The following SF3B3 variants were observed in gnomAD, a reference collection of about 807,000 sequenced individuals.
The protein encoded by SF3B3 is SAP 130.
SF3B3 carries 33 observed loss-of-function variants against 139.2 expected under a neutral mutation model. The ratio of observed to expected loss-of-function variants is 0.24; its 90% CI spans 0.18 to 0.32. The LOEUF (loss-of-function observed/expected upper bound fraction) is 0.32, where lower values mean the gene tolerates loss of function less well. SF3B3 is among the 10% of genes least tolerant of loss of function. The probability of loss-of-function intolerance (pLI) is 1.00; values close to 1 mark genes in which losing one functional copy is unlikely to be tolerated. For missense variants in SF3B3, 818 were observed against 1,509.4 expected, an observed-to-expected ratio of 0.54 and a Z score of 7.59; for synonymous variants, 596 against 563.6, an observed-to-expected ratio of 1.06 and a Z score of -0.81.
rs556580673 is a variant in SF3B3, at chr16:70,565,579, T to A, written c.2826+55T>A. The A allele has an allele frequency of 1.1e-5, 17 of 1,534,158 alleles. No individual in the cohort carries two copies. The African/African-American group carries it at 2.1e-4, about 19-fold the overall frequency. ...TTTAAGTCCCATTGAATTCTCTCAC[T>A]TTTGCTTATGTTATGGATCAGGTCT... is the stretch of plus-strand genomic sequence containing the variant. On this transcript the variant is annotated intron_variant, in intron 20 of 25. Transcript: ENST00000302516.
chr16:70,556,301 C>T lies in SF3B3; in HGVS notation c.1833C>T (p.Asp611=). The T allele has an allele frequency of 1.2e-6, 2 of 1,614,152 alleles. No homozygotes were observed. Among genetic ancestry groups the T allele is most frequent in the Non-Finnish European group, 1.7e-6 (2 of 1,180,028 alleles). Residue 611 remains aspartate (D), a synonymous_variant, in exon 14 of 26, where the codon GAC becomes GAT. Transcript: ENST00000302516. ...RSRFLAVGLV[D]NTVRIISLDP... ...GCTTCCTGGCTGTGGGGCTTGTGGACAACACTGTCAGAATCATCTCCCTGG... is the reference window on the plus strand; with the variant it reads ...GCTTCCTGGCTGTGGGGCTTGTGGATAACACTGTCAGAATCATCTCCCTGG...
rs776545876 is a variant in SF3B3 at position 70,569,998 on chromosome 16, A to T, written c.3265-8A>T. On this transcript the variant is annotated splice_region_variant and splice_polypyrimidine_tract_variant and intron_variant, in intron 23 of 25. Transcript: ENST00000302516. The stretch of plus-strand genomic sequence containing the variant: ...GCACACAGTCACTAGTCTGTTTGTG[A>T]CTCACAGGCAGAGGTGATCATGAAC... 45 of 1,613,698 alleles carry T rather than the reference A, an allele frequency of 2.8e-5. 1 individual carries two copies. The South Asian group carries it at 4.8e-4, about 17-fold the overall frequency.
chr16:70,552,548 C>T (rs2050337636), intron 11 of SF3B3, among the ~76,000 whole-genome samples: 2 of 152,204 alleles, frequency 1.3e-5, no homozygotes, highest in Non-Finnish European at 2.9e-5. Flanking sequence ...GTTCCCAAAG[C>T]ATTTGATATA....
intron 1 of SF3B3, 109 bp from the exon 2 acceptor site, chr16:70,526,478 A>G: frequency 1.7e-6 from 1 of 574,192 alleles, no homozygotes; most frequent in Non-Finnish European, 3.1e-6. Flanking sequence ...GTTGTTTCTT[A>G]ATAGGGCTTG....
intron 2 of SF3B3, chr16:70,526,993 G>A (rs1427152744): frequency 1.9e-6 from 1 of 528,844 alleles, no homozygotes; most frequent in Non-Finnish European, 3.3e-6. Context: ...TGTGCCTATT[G>A]CTGTAAGACA....
intron 14 of SF3B3, 105 bp from the exon 15 acceptor site, chr16:70,556,781 G>A: frequency 7.7e-7 from 1 of 1,299,600 alleles, no homozygotes; most frequent in East Asian, 2.4e-5. Context: ...TTTTTTCTGT[G>A]CATAAGGAAG....
chr16:70,547,807 C>A (rs917691041), intron 10 of SF3B3, among the ~76,000 whole-genome samples: 1 of 152,188 alleles, frequency 6.6e-6, no homozygotes, highest in Non-Finnish European at 1.5e-5. Context: ...GCCAGCTGGT[C>A]TTGAACTCCT....
intron 20 of SF3B3, 39 bp downstream of exon 20, chr16:70,565,563 C>T: frequency 6.3e-7 from 1 of 1,576,206 alleles, no homozygotes; most frequent in Non-Finnish European, 8.7e-7. Context: ...TTTTAAGTCC[C>T]ATTGAATTCT....
chr16:70,557,430 G>T (rs958084484), intron 15 of SF3B3, among the ~76,000 whole-genome samples: 1 of 152,196 alleles, frequency 6.6e-6, no homozygotes, highest in African/African-American at 2.4e-5. Flanking sequence ...TCTTTGTGCC[G>T]TGAAGAAAAG....
At chr16:70,571,258 T>C in intron 25 of SF3B3, 59 bp downstream of exon 25, 2 of 1,253,478 alleles carry the variant, frequency 1.6e-6, no homozygotes, top group Non-Finnish European at 2.3e-6. Context: ...GCACAGGGAG[T>C]GGATTGATGG....
At position 70,556,290 on chromosome 16, in the gene SF3B3, G is replaced by A; in HGVS notation, c.1822G>A (p.Gly608Arg). Residue 608 changes from glycine (G) to arginine (R), a missense_variant, in exon 14 of 26, where the codon GGG (glycine) becomes AGG (arginine). Gly to Arg is a moderately radical substitution (Grantham distance 125). Around this residue, in one of 14 missense-constraint regions of SF3B3, gnomAD observed 170 missense variants for 353.0 expected, o/e 0.48. Coordinates refer to ENST00000302516, the MANE Select transcript of SF3B3 (RefSeq NM_012426.5). ...GEQRSRFLAV[G>R]LVDNTVRIIS... is the part of the protein sequence containing the mutation. Reference sequence around the variant, plus strand: ...GCAGCGGTCTCGCTTCCTGGCTGTGGGGCTTGTGGACAACACTGTCAGAAT... The same window carrying A: ...GCAGCGGTCTCGCTTCCTGGCTGTGAGGCTTGTGGACAACACTGTCAGAAT... The A allele has an allele frequency of 1.2e-6, 2 of 1,614,156 alleles. No individual in the cohort carries two copies. The highest frequency in any genetic ancestry group is 1.7e-6 in the Non-Finnish European group (2 of 1,180,032).
Position 70,543,690 on chromosome 16 carries a change from A to G in SF3B3, c.1234-748A>G, listed in dbSNP as rs570866550. On this transcript the variant is annotated intron_variant, in intron 9 of 25. Coordinates refer to ENST00000302516, the MANE Select transcript of SF3B3 (RefSeq NM_012426.5). Reference sequence around the variant, plus strand: ...GCCACTGTACTCTAACCTCGGTGACAGAGTGAGACTCTGTCTTAAAAAAAA... The same window carrying G: ...GCCACTGTACTCTAACCTCGGTGACGGAGTGAGACTCTGTCTTAAAAAAAA... Among the ~76,000 whole-genome samples, 52 of 152,180 alleles carry G rather than the reference A, an allele frequency of 3.4e-4. 1 individual carries two copies. Among genetic ancestry groups the G allele is most frequent in the African/African-American group, 1.2e-3 (49 of 41,464 alleles).
chr16:70,556,865 T>A, intron 14 of SF3B3, 21 bp from the exon 15 acceptor site: 1 of 1,613,916 alleles, frequency 6.2e-7, no homozygotes, highest in Non-Finnish European at 8.5e-7. Context: ...TGTGTTTTTA[T>A]GATTTTTCTC....
intron 8 of SF3B3, among the ~76,000 whole-genome samples, chr16:70,540,339 G>T (rs2050207772): frequency 6.6e-6 from 1 of 151,770 alleles, no homozygotes; most frequent in South Asian, 2.1e-4. Context: ...TGGGACTACA[G>T]GCGTGTGCCA....
intron 24 of SF3B3, among the ~76,000 whole-genome samples, chr16:70,570,468 A>G (rs1254020851): frequency 1.3e-5 from 2 of 151,200 alleles, no homozygotes; most frequent in East Asian, 3.9e-4. Context: ...GTAGCTGGGA[A>G]TACAGGCGCC....
Position 70,572,137 on chromosome 16 carries a change from C to A in SF3B3, c.*324C>A, listed in dbSNP as rs2050535347. ...TCTCCTGTCTACTTTTGCACACACC[C>A]TTAATTTTTAATTGGTTTTCTTGTA... is the stretch of plus-strand genomic sequence containing the variant. On this transcript the variant is annotated 3_prime_UTR_variant, in exon 26 of 26. Transcript: ENST00000302516. 3.8e-6 allele frequency: 2 copies of A among 523,664 alleles called. No individual in the cohort carries two copies. Among genetic ancestry groups the A allele is most frequent in the Non-Finnish European group, 3.7e-6 (1 of 271,148 alleles). 32.4% of individuals were successfully genotyped at this position (523,664 alleles called of 1,614,324 possible).
At position 70,577,327 on chromosome 16, in the gene SF3B3, T is replaced by TG. The variant is rs2050589501; in HGVS notation, c.*5515dup. On this transcript the variant is annotated 3_prime_UTR_variant, in exon 26 of 26. Transcript: ENST00000302516. Reference sequence around the variant, plus strand: ...CCAAGAGGCCCCAGAGAGGGCACCGTGCGGTGTTCAGGCTTCTGTGAGGCC... The same window carrying TG: ...CCAAGAGGCCCCAGAGAGGGCACCGTGGCGGTGTTCAGGCTTCTGTGAGGCC... 1 of 152,254 alleles carries TG rather than the reference T, an allele frequency of 6.6e-6. No individual in the cohort carries two copies. The highest frequency in any genetic ancestry group is 1.5e-5 in the Non-Finnish European group (1 of 68,106). 9.4% of individuals were successfully genotyped at this position (152,254 alleles called of 1,614,324 possible).
At chr16:70,564,974 A>C (rs1597723101) in intron 18 of SF3B3, 91 bp from the exon 19 acceptor site, 1 of 1,176,202 alleles carries the variant, frequency 8.5e-7, no homozygotes, top group Non-Finnish European at 1.3e-6. Flanking sequence ...TGTATTGAGA[A>C]CCCCCTGGAG....
intron 13 of SF3B3, 21 bp downstream of exon 13, chr16:70,555,227 C>T (rs1376817012): frequency 6.2e-7 from 1 of 1,608,012 alleles, no homozygotes. Flanking sequence ...TTATCATTCA[C>T]TGTGGGACTT....
Sources: gnomAD v4.1 joint callset for allele counts (sites outside exome capture counted in the v4.1 genomes callset) on GRCh38, gnomAD v4.1.1 for gene constraint, gnomAD v4.1.1 regional missense constraint, MANE v1.5 for transcripts, NCBI Gene and HGNC (gene_info 2026-07-23, HGNC 2026-07-21) for gene names.